XRCC5: variants seen among roughly 807,000 people sequenced by gnomAD.
The protein encoded by XRCC5 is X-ray repair cross complementing 5, also known as DNA repair protein Ku80.
A neutral mutation model predicts 95.7 loss-of-function variants in XRCC5; 12 were observed. That is an observed-to-expected ratio of 0.13 (90% CI 0.08 to 0.20). The LOEUF (loss-of-function observed/expected upper bound fraction) is 0.20, where lower values mean the gene tolerates loss of function less well. Among genes scored for constraint, XRCC5 ranks in the 10% least tolerant of loss-of-function variants. The probability of loss-of-function intolerance (pLI) is 1.00; values close to 1 mark genes in which losing one functional copy is unlikely to be tolerated. For missense variants in XRCC5, 595 were observed against 873.9 expected (o/e 0.68, Z 4.02); for synonymous variants, 281 against 290.3 (o/e 0.97, Z 0.33).
chr2:216,145,359 T>C (rs1490624827), intron 13 of XRCC5, among the ~76,000 whole-genome samples: 2 of 152,340 alleles, frequency 1.3e-5, no homozygotes, highest in East Asian at 3.9e-4. Context: ...GCTGAAAATA[T>C]ATCTTGTCAA....
At chr2:216,110,173 C>A (rs1696561316) in intron 1 of XRCC5, among the ~76,000 whole-genome samples, 1 of 152,158 alleles carries the variant, frequency 6.6e-6, no homozygotes, top group South Asian at 2.1e-4. Context: ...CCCTGGAGAA[C>A]CCCTGTGTTG....
chr2:216,133,543 C>T (rs1281919443), intron 10 of XRCC5, among the ~76,000 whole-genome samples: 1 of 152,228 alleles, frequency 6.6e-6, no homozygotes, highest in Non-Finnish European at 1.5e-5. Flanking sequence ...CTTCATGAGA[C>T]TTGCTGGGTA....
At chr2:216,194,811 A>T in intron 18 of XRCC5, 108 bp from the exon 19 acceptor site, 2 of 1,080,454 alleles carry the variant, frequency 1.9e-6, no homozygotes, top group Admixed American at 3.8e-5. Context: ...TCTCTATTTA[A>T]AAAAAAGAAA....
At chr2:216,137,813 C>G (rs1559244046) in intron 11 of XRCC5, among the ~76,000 whole-genome samples, 2 of 152,210 alleles carry the variant, frequency 1.3e-5, no homozygotes, top group South Asian at 2.1e-4. Context: ...CTTCTGGTCA[C>G]CCTAGTCTTC....
intron 16 of XRCC5, among the ~76,000 whole-genome samples, chr2:216,179,804 A>G (rs1008433319): frequency 1.8e-4 from 27 of 152,170 alleles, no homozygotes; most frequent in African/African-American, 6.3e-4. Context: ...ATGTGAAACC[A>G]TTGAAGAGTT....
At chr2:216,198,139 C>G (rs1468537597) in intron 19 of XRCC5, among the ~76,000 whole-genome samples, 2 of 152,198 alleles carry the variant, frequency 1.3e-5, no homozygotes, top group African/African-American at 4.8e-5. Flanking sequence ...TTGAGCTCAC[C>G]GAGGTAGCAA....
intron 16 of XRCC5, among the ~76,000 whole-genome samples, chr2:216,163,474 C>T (rs1302349873): frequency 6.6e-6 from 1 of 151,774 alleles, no homozygotes; most frequent in African/African-American, 2.4e-5. Context: ...ATTTTTAGCA[C>T]AGACGGGGTT....
intron 16 of XRCC5, among the ~76,000 whole-genome samples, chr2:216,184,032 C>CTGTGTGTGTGTGTGTGTGTG (rs3221952): frequency 2.0e-3 from 287 of 145,708 alleles, no homozygotes; most frequent in South Asian, 2.5e-3. Context: ...TAAGTCAGCA[C>CTGTGTGTGTGTGTGTGTGTG]TGTGTGTGTG....
chr2:216,130,799 T>C (rs1309845145), intron 8 of XRCC5, 76 bp from the exon 9 acceptor site: 8 of 903,698 alleles, frequency 8.9e-6, no homozygotes, highest in Non-Finnish European at 1.2e-5. Flanking sequence ...GTTGTTAATG[T>C]ATGCATGGAA....
At chr2:216,163,502 C>T (rs1255540976) in intron 16 of XRCC5, among the ~76,000 whole-genome samples, 2 of 151,894 alleles carry the variant, frequency 1.3e-5, no homozygotes. Flanking sequence ...GTTGGCCAGG[C>T]TGGTCTTGAA....
At chr2:216,110,355 G>T (rs1476531097) in intron 1 of XRCC5, 2 of 152,082 alleles carry the variant, frequency 1.3e-5, no homozygotes, top group African/African-American at 2.4e-5. Context: ...AACAAGATAC[G>T]AGTTTGAGCA....
At chr2:216,170,262 G>A (rs997952291) in intron 16 of XRCC5, among the ~76,000 whole-genome samples, 2 of 152,018 alleles carry the variant, frequency 1.3e-5, no homozygotes, top group African/African-American at 4.8e-5. Flanking sequence ...CAGTGTTCCT[G>A]TTTTCTCCCA....
rs780951185 is a variant in XRCC5, at chr2:216,116,637, G to A, written c.136-22G>A. The A allele has an allele frequency of 3.7e-6, 6 of 1,613,892 alleles. No individual in the cohort carries two copies. In the South Asian group the frequency reaches 5.5e-5, roughly 15 times the overall value. Reference sequence around the variant, plus strand: ...CCAGATTGTTCTAATATGGTTTTCAGCCATCTGACATTTTTTTCTAGGTGT... The same window carrying A: ...CCAGATTGTTCTAATATGGTTTTCAACCATCTGACATTTTTTTCTAGGTGT... On this transcript the variant is annotated intron_variant, in intron 2 of 20. Transcript: ENST00000392132.
At chr2:216,132,592 A>G (rs1242757468) in intron 10 of XRCC5, among the ~76,000 whole-genome samples, 1 of 152,220 alleles carries the variant, frequency 6.6e-6, no homozygotes, top group Non-Finnish European at 1.5e-5. Context: ...CATGGAGACC[A>G]AGGAAGTATT....
At chr2:216,184,539 A>C (rs1351638635) in intron 16 of XRCC5, among the ~76,000 whole-genome samples, 1 of 152,064 alleles carries the variant, frequency 6.6e-6, no homozygotes, top group Non-Finnish European at 1.5e-5. Flanking sequence ...TGCAGTGGTG[A>C]GATCTTGGCC....
At chr2:216,117,712 T>C in intron 3 of XRCC5, 34 bp from the exon 4 acceptor site, 1 of 1,609,242 alleles carries the variant, frequency 6.2e-7, no homozygotes, top group East Asian at 2.2e-5. Flanking sequence ...ATGAAGAGAC[T>C]GTTTGGTGAT....
At position 216,205,955 on chromosome 2, in the gene XRCC5, G is replaced by C. The variant is rs1196711630; in HGVS notation, c.*753G>C. 6.6e-6 allele frequency: 1 copy of C among 152,172 alleles called. No individual in the cohort carries two copies. Among genetic ancestry groups the C allele is most frequent in the African/African-American group, 2.4e-5 (1 of 41,432 alleles). 9.4% of individuals were successfully genotyped at this position (152,172 alleles called of 1,614,324 possible). ...AAAAACTGAGAAATTTACTACAGTAGTTAGAATTATATCACTTCACTGTTC... is the reference window on the plus strand; with the variant it reads ...AAAAACTGAGAAATTTACTACAGTACTTAGAATTATATCACTTCACTGTTC... On this transcript the variant is annotated 3_prime_UTR_variant, in exon 21 of 21. Transcript: ENST00000392132.
chr2:216,142,073 A>G (rs558487526), intron 13 of XRCC5, among the ~76,000 whole-genome samples: 2 of 152,156 alleles, frequency 1.3e-5, no homozygotes, highest in East Asian at 3.9e-4. Context: ...AGAAAAAAAA[A>G]GGTTCCTAGG....
chr2:216,135,707 A>G (rs2106011705), intron 10 of XRCC5, among the ~76,000 whole-genome samples: 1 of 151,790 alleles, frequency 6.6e-6, no homozygotes, highest in African/African-American at 2.4e-5. Context: ...GCTGAGGCAC[A>G]AACATTGCTT....
Sources: gnomAD v4.1 joint callset for allele counts (sites outside exome capture counted in the v4.1 genomes callset) on GRCh38, gnomAD v4.1.1 for gene constraint, MANE v1.5 for transcripts, NCBI Gene and HGNC (gene_info 2026-07-23, HGNC 2026-07-21) for gene names.